The following CNTNAP5 variants were observed in gnomAD, a reference collection of about 807,000 sequenced individuals.
CNTNAP5 encodes contactin-associated protein-like 5.
In CNTNAP5, 72 loss-of-function variants were observed where a neutral mutation model predicts 150.2. The observed-to-expected ratio is 0.48, with a 90% CI of 0.40 to 0.58. The LOEUF (loss-of-function observed/expected upper bound fraction) is 0.58, where lower values mean the gene tolerates loss of function less well. Ranked by LOEUF, CNTNAP5 falls within the 20% of genes least tolerant of loss-of-function variation. The probability of loss-of-function intolerance (pLI) is 0.00; values close to 1 mark genes in which losing one functional copy is unlikely to be tolerated. For synonymous variants in CNTNAP5, 672 were observed against 619.8 expected (o/e 1.08, Z -1.25); for missense variants, 1,636 against 1,626.2 (o/e 1.01, Z -0.10).
At chr2:124,133,377 A>T (rs1683905623) in intron 1 of CNTNAP5, among the ~76,000 whole-genome samples, 1 of 152,160 alleles carries the variant, frequency 6.6e-6, no homozygotes, top group African/African-American at 2.4e-5. Context: ...CCTTTTGCAA[A>T]GTGACTTGCC....
intron 21 of CNTNAP5, among the ~76,000 whole-genome samples, chr2:124,875,713 T>G (rs1677845573): frequency 6.6e-6 from 1 of 151,398 alleles, no homozygotes; most frequent in South Asian, 2.1e-4. Context: ...TTTTTTTTTT[T>G]TTCTGTTTTC....
At chr2:124,740,667 T>C (rs554610479) in intron 13 of CNTNAP5, among the ~76,000 whole-genome samples, 1 of 152,346 alleles carries the variant, frequency 6.6e-6, no homozygotes, top group South Asian at 2.1e-4. Context: ...ACGTGATTTA[T>C]ACCTAATTTG....
chr2:124,766,582 C>T (rs2104603893), intron 16 of CNTNAP5, among the ~76,000 whole-genome samples: 1 of 152,278 alleles, frequency 6.6e-6, no homozygotes, highest in South Asian at 2.1e-4. Flanking sequence ...TGGGAGGAAG[C>T]TCTTGTGGCT....
At chr2:124,605,003 G>T (rs116833767) in intron 11 of CNTNAP5, among the ~76,000 whole-genome samples, 3,803 of 152,198 alleles carry the variant, frequency 0.025, 53 homozygotes, top group African/African-American at 0.031. Flanking sequence ...ATGCCTCACT[G>T]ATTTGCCTTG....
chr2:124,475,006 G>T, intron 7 of CNTNAP5, 124 bp downstream of exon 7: 1 of 715,528 alleles, frequency 1.4e-6, no homozygotes. Flanking sequence ...TCCCATCAGC[G>T]TCTGACGTGA....
intron 3 of CNTNAP5, among the ~76,000 whole-genome samples, chr2:124,339,415 T>C (rs895374852): frequency 3.3e-5 from 5 of 152,116 alleles, no homozygotes; most frequent in African/African-American, 1.2e-4. Flanking sequence ...GTTTGTTGAC[T>C]AGGCTGGAGA....
At chr2:124,606,327 C>T (rs1298559634) in intron 11 of CNTNAP5, among the ~76,000 whole-genome samples, 4 of 151,344 alleles carry the variant, frequency 2.6e-5, no homozygotes, top group Admixed American at 6.6e-5. Context: ...GGGCTAAATT[C>T]CCATTTTCCA....
At chr2:124,471,930 A>G (rs1693526328) in intron 6 of CNTNAP5, among the ~76,000 whole-genome samples, 1 of 152,122 alleles carries the variant, frequency 6.6e-6, no homozygotes, top group Non-Finnish European at 1.5e-5. Context: ...TAAATCAACA[A>G]AGGAGATTTT....
At chr2:124,473,570 TA>T (rs1178841275) in intron 6 of CNTNAP5, among the ~76,000 whole-genome samples, 1 of 151,982 alleles carries the variant, frequency 6.6e-6, no homozygotes, top group Non-Finnish European at 1.5e-5. Flanking sequence ...GTTATTCATA[TA>T]AGAAGACATT....
chr2:124,174,643 G>C (rs1685018792), intron 1 of CNTNAP5, among the ~76,000 whole-genome samples: 1 of 152,208 alleles, frequency 6.6e-6, no homozygotes. Flanking sequence ...CAAAAAAAGT[G>C]ATTGCTTGAG....
intron 1 of CNTNAP5, among the ~76,000 whole-genome samples, chr2:124,075,786 C>T (rs181453667): frequency 6.6e-6 from 1 of 152,252 alleles, no homozygotes; most frequent in African/African-American, 2.4e-5. Context: ...ATGTGACTGG[C>T]CACTGGTCAT....
intron 12 of CNTNAP5, among the ~76,000 whole-genome samples, chr2:124,647,437 A>C (rs1409411595): frequency 6.6e-6 from 1 of 152,132 alleles, no homozygotes; most frequent in Non-Finnish European, 1.5e-5. Context: ...ATTTTCTTTC[A>C]CATTTTCCTC....
intron 4 of CNTNAP5, among the ~76,000 whole-genome samples, chr2:124,422,762 C>T (rs1692139493): frequency 6.6e-6 from 1 of 152,208 alleles, no homozygotes; most frequent in South Asian, 2.1e-4. Context: ...TTCCAATCCT[C>T]TATCCCTTGC....
chr2:124,807,023 C>T (rs1682096152), intron 19 of CNTNAP5, among the ~76,000 whole-genome samples: 1 of 151,178 alleles, frequency 6.6e-6, no homozygotes, highest in South Asian at 2.1e-4. Context: ...TAGTTGGAGT[C>T]AGTGTGAAGA....
At chr2:124,032,293 T>C (rs1350984114) in intron 1 of CNTNAP5, among the ~76,000 whole-genome samples, 2 of 152,120 alleles carry the variant, frequency 1.3e-5, no homozygotes, top group African/African-American at 4.8e-5. Flanking sequence ...AGGGGGGCAG[T>C]TATTACTTGG....
intron 10 of CNTNAP5, among the ~76,000 whole-genome samples, chr2:124,558,437 T>G (rs1381462639): frequency 6.6e-6 from 1 of 152,180 alleles, no homozygotes; most frequent in African/African-American, 2.4e-5. Flanking sequence ...GAAAGTAATA[T>G]CTATTAGACA....
intron 1 of CNTNAP5, among the ~76,000 whole-genome samples, chr2:124,196,424 G>A (rs551692790): frequency 2.6e-4 from 40 of 152,208 alleles, no homozygotes; most frequent in Admixed American, 2.2e-3. Flanking sequence ...AAAATAAGAC[G>A]TGTACACAGC....
chr2:124,648,410 G>A lies in CNTNAP5; in HGVS notation c.2077+452G>A, dbSNP rs567391766. ...GGTGGAGGATGCCTGGATGCCTAAG[G>A]GGGCAGTGTTAGGCAGGGAGGCCAG... On this transcript the variant is annotated intron_variant, in intron 13 of 23. Coordinates refer to ENST00000682447, the MANE Select transcript of CNTNAP5 (RefSeq NM_001367498.1). Among the ~76,000 whole-genome samples the A allele has an allele frequency of 6.6e-5, 10 of 152,218 alleles. No individual in the cohort carries two copies. In the East Asian group the frequency reaches 1.2e-3, roughly 18 times the overall value.
chr2:124,587,342 A>G (rs1365894731), intron 11 of CNTNAP5, among the ~76,000 whole-genome samples: 1 of 152,194 alleles, frequency 6.6e-6, no homozygotes, highest in East Asian at 1.9e-4. Flanking sequence ...AGATGCATTT[A>G]AGGCTTAAAT....
Sources: allele counts gnomAD v4.1 joint callset (sites outside exome capture counted in the v4.1 genomes callset), GRCh38; gene constraint gnomAD v4.1.1; transcripts MANE v1.5; gene names NCBI Gene and HGNC (gene_info 2026-07-23, HGNC 2026-07-21).